RBFOX1: variants seen among roughly 807,000 people sequenced by gnomAD.
RBFOX1 encodes RNA binding fox-1 homolog 1.
RBFOX1 carries 8 observed loss-of-function variants against 57.7 expected under a neutral mutation model. The ratio of observed to expected loss-of-function variants is 0.14; its 90% CI spans 0.08 to 0.25. The LOEUF is 0.25. Among genes scored for constraint, RBFOX1 ranks in the 10% least tolerant of loss-of-function variants. The pLI is 1.00. For synonymous variants in RBFOX1, 326 were observed against 222.4 expected, an observed-to-expected ratio of 1.47 and a Z score of -4.15; for missense variants, 611 against 548.5, an observed-to-expected ratio of 1.11 and a Z score of -1.14.
chr16:5,875,993 G>A (rs985180282), intron 4 of RBFOX1, among the ~76,000 whole-genome samples: 2 of 151,902 alleles, frequency 1.3e-5, no homozygotes, highest in African/African-American at 4.8e-5. Context: ...ACAGGCCCCC[G>A]ACAGCACACC....
At chr16:6,920,012 C>G (rs796461542) in intron 3 of RBFOX1, among the ~76,000 whole-genome samples, 16 of 152,142 alleles carry the variant, frequency 1.1e-4, no homozygotes, top group African/African-American at 3.6e-4. Flanking sequence ...TTAGCTCTCC[C>G]TTATAAGACG....
intron 2 of RBFOX1, among the ~76,000 whole-genome samples, chr16:6,601,423 G>A (rs553186619): frequency 2.6e-5 from 4 of 152,126 alleles, no homozygotes; most frequent in African/African-American, 9.7e-5. Flanking sequence ...GACTCCGGGA[G>A]AGTCCTAAAA....
chr16:5,569,659 C>G (rs1460406761), intron 2 of RBFOX1, among the ~76,000 whole-genome samples: 3 of 151,812 alleles, frequency 2.0e-5, no homozygotes, highest in Non-Finnish European at 4.4e-5. Context: ...AACCAGGAGT[C>G]TAACTCCAAA....
At chr16:6,991,876 AG>A (rs2091522335) in intron 3 of RBFOX1, among the ~76,000 whole-genome samples, 1 of 152,170 alleles carries the variant, frequency 6.6e-6, no homozygotes, top group Non-Finnish European at 1.5e-5. Context: ...GAATCACTTC[AG>A]GGTTTTGTAT....
intron 11 of RBFOX1, among the ~76,000 whole-genome samples, chr16:7,634,595 C>G (rs1191403525): frequency 6.6e-6 from 1 of 152,098 alleles, no homozygotes; most frequent in Non-Finnish European, 1.5e-5. Context: ...TTAAGTGAAT[C>G]ATCCTAACAA....
chr16:7,498,689 G>A (rs1376779990), intron 4 of RBFOX1, among the ~76,000 whole-genome samples: 2 of 152,018 alleles, frequency 1.3e-5, no homozygotes, highest in African/African-American at 2.4e-5. Flanking sequence ...TGTACAGTAC[G>A]CGTCATTTCA....
Position 5,908,207 on chromosome 16 carries a change from C to CAT in RBFOX1, c.351+40880_351+40881dup, listed in dbSNP as rs528394401. 2.6e-4 allele frequency among the ~76,000 whole-genome samples: 37 copies of CAT among 144,862 alleles called. 1 individual carries two copies. In the East Asian group the frequency reaches 4.0e-3, roughly 15 times the overall value. ...ATATACACATATATACATATACACA[C>CAT]ATATATATACATATATACACACATA... On this transcript the variant is annotated intron_variant, in intron 4 of 19. Coordinates refer to the RBFOX1 transcript ENST00000641259.
chr16:6,806,836 A>ATATATATATATATATTT (rs754342591), intron 3 of RBFOX1, among the ~76,000 whole-genome samples: 19 of 91,874 alleles, frequency 2.1e-4, no homozygotes, highest in South Asian at 7.9e-4. Flanking sequence ...ATATATATAT[A>ATATATATATATATATTT]TTTTTTTTTT....
intron 2 of RBFOX1, among the ~76,000 whole-genome samples, chr16:6,401,075 A>T (rs542443254): frequency 1.3e-5 from 2 of 152,328 alleles, no homozygotes; most frequent in African/African-American, 4.8e-5. Flanking sequence ...TTAATCATTA[A>T]AAGGAACCAA....
At chr16:5,777,756 C>G (rs78201796) in intron 3 of RBFOX1, among the ~76,000 whole-genome samples, 5,613 of 152,248 alleles carry the variant, frequency 0.037, 315 homozygotes, top group African/African-American at 0.12. Context: ...AAGGCTACTT[C>G]TTTAACTTAC....
intron 2 of RBFOX1, among the ~76,000 whole-genome samples, chr16:6,438,951 A>G (rs2094307342): frequency 6.6e-6 from 1 of 152,198 alleles, no homozygotes; most frequent in African/African-American, 2.4e-5. Context: ...AGTGTATGAC[A>G]TCTTCCTTTT....
At chr16:5,283,305 C>T (rs1596386375) in intron 1 of RBFOX1, among the ~76,000 whole-genome samples, 1 of 152,146 alleles carries the variant, frequency 6.6e-6, no homozygotes, top group Admixed American at 6.5e-5. Context: ...GGGGTCGGAG[C>T]CCCCACATAG....
chr16:5,287,003 G>A (rs1357294774), intron 1 of RBFOX1, among the ~76,000 whole-genome samples: 1 of 152,164 alleles, frequency 6.6e-6, no homozygotes, highest in Non-Finnish European at 1.5e-5. Context: ...ATAAAATAGG[G>A]TTTCTATTTA....
chr16:5,734,411 G>T (rs2052497464), intron 3 of RBFOX1, among the ~76,000 whole-genome samples: 1 of 152,130 alleles, frequency 6.6e-6, no homozygotes. Flanking sequence ...CTGGGCAAGA[G>T]AACAAGATTC....
At chr16:7,291,261 C>G (rs930237553) in intron 4 of RBFOX1, among the ~76,000 whole-genome samples, 3 of 152,156 alleles carry the variant, frequency 2.0e-5, no homozygotes, top group African/African-American at 4.8e-5. Flanking sequence ...GCCCTTTGAA[C>G]AGAAGACAGA....
intron 2 of RBFOX1, among the ~76,000 whole-genome samples, chr16:5,532,537 C>A (rs2044528814): frequency 6.6e-6 from 1 of 152,212 alleles, no homozygotes; most frequent in Non-Finnish European, 1.5e-5. Flanking sequence ...AGTGTCATAT[C>A]ATTTAGGTTA....
intron 1 of RBFOX1, among the ~76,000 whole-genome samples, chr16:5,453,937 C>G (rs1477472454): frequency 1.3e-5 from 2 of 151,878 alleles, no homozygotes; most frequent in Non-Finnish European, 2.9e-5. Context: ...AAGCTTAGTT[C>G]CCAAGTATGA....
At chr16:7,278,117 C>T (rs1427497117) in intron 4 of RBFOX1, among the ~76,000 whole-genome samples, 1 of 151,956 alleles carries the variant, frequency 6.6e-6, no homozygotes, top group East Asian at 2.0e-4. Flanking sequence ...TGGTATTTGG[C>T]TCCGCTTGGT....
At chr16:7,017,708 G>C (rs1035761865) in intron 3 of RBFOX1, among the ~76,000 whole-genome samples, 4 of 152,106 alleles carry the variant, frequency 2.6e-5, no homozygotes, top group Admixed American at 2.6e-4. Flanking sequence ...ATGTTCAATA[G>C]CTTTTCTCTT....
Sources: allele counts gnomAD v4.1 joint callset (sites outside exome capture counted in the v4.1 genomes callset), GRCh38; gene constraint gnomAD v4.1.1; transcripts MANE v1.5; gene names NCBI Gene and HGNC (gene_info 2026-07-23, HGNC 2026-07-21).